The following GMDS variants were observed in gnomAD, a reference collection of about 807,000 sequenced individuals.
GMDS encodes the protein GDP-mannose 4,6-dehydratase.
GMDS carries 20 observed loss-of-function variants against 49.9 expected under a neutral mutation model. The ratio of observed to expected loss-of-function variants is 0.40; its 90% CI spans 0.28 to 0.58. The LOEUF is 0.58. GMDS is among the 20% of genes least tolerant of loss of function. The pLI is 0.42. For missense variants in GMDS, 362 were observed against 481.4 expected (o/e 0.75, Z 2.32); for synonymous variants, 177 against 178.6 (o/e 0.99, Z 0.07).
chr6:1,781,964 A>G (rs933997771), intron 7 of GMDS, among the ~76,000 whole-genome samples: 6 of 151,956 alleles, frequency 3.9e-5, no homozygotes, highest in Non-Finnish European at 8.8e-5. Flanking sequence ...CCCGGTCCCT[A>G]CACCTCGCCG....
intron 1 of GMDS, among the ~76,000 whole-genome samples, chr6:2,158,950 A>G (rs1664335634): frequency 6.6e-6 from 1 of 152,226 alleles, no homozygotes; most frequent in African/African-American, 2.4e-5. Flanking sequence ...CTTAACTCTC[A>G]CAAGAAAAGA....
At chr6:1,807,124 C>A (rs1360392274) in intron 7 of GMDS, among the ~76,000 whole-genome samples, 1 of 151,958 alleles carries the variant, frequency 6.6e-6, no homozygotes, top group African/African-American at 2.4e-5. Context: ...CTCACCGCAG[C>A]CTCAACTTCC....
chr6:2,205,301 C>T (rs1427612707), intron 1 of GMDS, among the ~76,000 whole-genome samples: 1 of 152,188 alleles, frequency 6.6e-6, no homozygotes, highest in Non-Finnish European at 1.5e-5. Flanking sequence ...CCTAAGTTCA[C>T]CATTAGTTGC....
At position 2,181,040 on chromosome 6, in the gene GMDS, C is replaced by T. The variant is rs539946825; in HGVS notation, c.103-56309G>A. Among the ~76,000 whole-genome samples the T allele has an allele frequency of 2.1e-3, 322 of 151,846 alleles. 2 individuals carry two copies. Among genetic ancestry groups the T allele is most frequent in the African/African-American group, 7.5e-3 (312 of 41,426 alleles). ...AAATTAGCCAGACGTAGTGACTACA[C>T]CTGGGTGCCTGTAGTCCCAGCTACT... On this transcript the variant is annotated intron_variant, in intron 1 of 10. Coordinates refer to ENST00000380815, the MANE Select transcript of GMDS (RefSeq NM_001500.4).
At chr6:1,792,437 G>A (rs939731237) in intron 7 of GMDS, among the ~76,000 whole-genome samples, 2 of 152,030 alleles carry the variant, frequency 1.3e-5, no homozygotes, top group South Asian at 4.1e-4. Flanking sequence ...TTTCACCTTC[G>A]ATACTGATCG....
At chr6:1,864,620 T>A (rs1758352976) in intron 7 of GMDS, among the ~76,000 whole-genome samples, 1 of 152,156 alleles carries the variant, frequency 6.6e-6, no homozygotes, top group Non-Finnish European at 1.5e-5. Flanking sequence ...AAAGGCAGAT[T>A]TGCTGGTGAT....
At chr6:1,677,078 T>C (rs1443719459) in intron 9 of GMDS, among the ~76,000 whole-genome samples, 6 of 152,108 alleles carry the variant, frequency 3.9e-5, no homozygotes, top group Non-Finnish European at 5.9e-5. Flanking sequence ...TAAACAAATT[T>C]ACAAGAAAAA....
At chr6:1,795,936 A>G (rs1769717301) in intron 7 of GMDS, among the ~76,000 whole-genome samples, 1 of 152,230 alleles carries the variant, frequency 6.6e-6, no homozygotes, top group South Asian at 2.1e-4. Context: ...GTGAGGCCAG[A>G]GATGGGGGGA....
At chr6:1,624,295 C>A in intron 10 of GMDS, 64 bp from the exon 11 acceptor site, 1 of 1,469,874 alleles carries the variant, frequency 6.8e-7, no homozygotes, top group Non-Finnish European at 9.5e-7. Context: ...ACACCCCACC[C>A]CGGGTGTCGG....
intron 1 of GMDS, among the ~76,000 whole-genome samples, chr6:2,140,153 C>A (rs1776215124): frequency 6.6e-6 from 1 of 152,048 alleles, no homozygotes; most frequent in Admixed American, 6.6e-5. Flanking sequence ...AAGGACCTTG[C>A]GTTGGGGAGA....
intron 4 of GMDS, among the ~76,000 whole-genome samples, chr6:2,060,846 C>T (rs1771106013): frequency 6.6e-6 from 1 of 151,894 alleles, no homozygotes; most frequent in Non-Finnish European, 1.5e-5. Flanking sequence ...ATGGTGAAAC[C>T]CTGTCTCTAC....
intron 7 of GMDS, among the ~76,000 whole-genome samples, chr6:1,900,157 C>T (rs554316768): frequency 2.6e-5 from 4 of 152,322 alleles, no homozygotes; most frequent in Non-Finnish European, 5.9e-5. Context: ...GGGTCAGAGG[C>T]ATCGCTCTGG....
chr6:1,923,178 A>G (rs1461764563), intron 7 of GMDS, among the ~76,000 whole-genome samples: 1 of 152,152 alleles, frequency 6.6e-6, no homozygotes, highest in Admixed American at 6.5e-5. Context: ...GTATGTCTTT[A>G]TCAGCAGCAT....
At chr6:2,012,910 G>C (rs915095126) in intron 4 of GMDS, among the ~76,000 whole-genome samples, 3 of 152,060 alleles carry the variant, frequency 2.0e-5, no homozygotes, top group Admixed American at 6.5e-5. Flanking sequence ...ATACACCAAG[G>C]GTGTTCTGGT....
At chr6:1,653,204 C>T (rs745377249) in intron 9 of GMDS, among the ~76,000 whole-genome samples, 1 of 152,036 alleles carries the variant, frequency 6.6e-6, no homozygotes, top group Non-Finnish European at 1.5e-5. Flanking sequence ...TGTACACTGC[C>T]GTAGGAAAAA....
At chr6:1,747,470 A>C (rs1247388329) in intron 7 of GMDS, among the ~76,000 whole-genome samples, 1 of 4,834 alleles carries the variant, frequency 2.1e-4, no homozygotes, top group Non-Finnish European at 4.2e-4. Flanking sequence ...ACACACACAC[A>C]CACGCTCATG....
intron 7 of GMDS, among the ~76,000 whole-genome samples, chr6:1,769,349 A>G (rs1352827044): frequency 6.6e-6 from 1 of 152,264 alleles, no homozygotes; most frequent in African/African-American, 2.4e-5. Flanking sequence ...AGCTGGAGGA[A>G]ATAAAGAAAA....
chr6:2,098,134 A>C (rs1015277152), intron 4 of GMDS, among the ~76,000 whole-genome samples: 1 of 152,068 alleles, frequency 6.6e-6, no homozygotes, highest in African/African-American at 2.4e-5. Flanking sequence ...CGGCTCGCTC[A>C]CTGCAACCTC....
At chr6:1,988,494 G>A (rs549661745) in intron 4 of GMDS, among the ~76,000 whole-genome samples, 2 of 152,222 alleles carry the variant, frequency 1.3e-5, no homozygotes, top group South Asian at 2.1e-4. Flanking sequence ...CAAACCCAGG[G>A]TGCTCCAGAG....
Sources: allele counts gnomAD v4.1 joint callset (sites outside exome capture counted in the v4.1 genomes callset), GRCh38; gene constraint gnomAD v4.1.1; transcripts MANE v1.5; gene names NCBI Gene and HGNC (gene_info 2026-07-23, HGNC 2026-07-21).